Variants in HAO1 observed in about 807,000 individuals in gnomAD.
The protein encoded by HAO1 is 2-Hydroxyacid oxidase 1.
In HAO1, 34 loss-of-function variants were observed where a neutral mutation model predicts 39.7. That is an observed-to-expected ratio of 0.86 (90% CI 0.65 to 1.14). HAO1 has a LOEUF of 1.14. HAO1 is among the 50% of genes most tolerant of loss of function. HAO1 has a pLI of 0.00. For synonymous variants in HAO1, 172 were observed against 173.2 expected, an observed-to-expected ratio of 0.99 and a Z score of 0.05; for missense variants, 479 against 464.5, an observed-to-expected ratio of 1.03 and a Z score of -0.29.
At chr20:7,931,356 A>T (rs2050384796) in intron 2 of HAO1, among the ~76,000 whole-genome samples, 1 of 152,146 alleles carries the variant, frequency 6.6e-6, no homozygotes, top group South Asian at 2.1e-4. Flanking sequence ...GCTTCTCCTC[A>T]TGACACTTCA....
At chr20:7,918,274 T>C (rs2050315971) in intron 2 of HAO1, among the ~76,000 whole-genome samples, 2 of 152,210 alleles carry the variant, frequency 1.3e-5, no homozygotes, top group Admixed American at 6.5e-5. Flanking sequence ...AAATTATTGA[T>C]GAATTACATT....
chr20:7,915,854 C>T (rs2050304508), intron 2 of HAO1, among the ~76,000 whole-genome samples: 1 of 152,110 alleles, frequency 6.6e-6, no homozygotes, highest in African/African-American at 2.4e-5. Context: ...TCTAAACAAA[C>T]TACATGCTAA....
At chr20:7,889,699 G>C (rs1179716787) in intron 5 of HAO1, among the ~76,000 whole-genome samples, 1 of 152,114 alleles carries the variant, frequency 6.6e-6, no homozygotes, top group Non-Finnish European at 1.5e-5. Context: ...TTAGCCTGGT[G>C]CAAAAGTAAT....
At chr20:7,934,771 A>G in intron 1 of HAO1, 136 bp from the exon 2 acceptor site, 1 of 551,174 alleles carries the variant, frequency 1.8e-6, no homozygotes, top group South Asian at 2.8e-5. Context: ...TCATAAAGCT[A>G]ATGGAAAAGA....
At chr20:7,893,443 A>C (rs1476508195) in intron 5 of HAO1, among the ~76,000 whole-genome samples, 1 of 152,218 alleles carries the variant, frequency 6.6e-6, no homozygotes, top group Non-Finnish European at 1.5e-5. Flanking sequence ...ACAAGATTAG[A>C]AATTATGGTT....
intron 1 of HAO1, among the ~76,000 whole-genome samples, chr20:7,935,832 G>GA (rs1363667519): frequency 6.6e-6 from 1 of 152,054 alleles, no homozygotes; most frequent in African/African-American, 2.4e-5. Flanking sequence ...TAAAATTGAA[G>GA]AAAATACAGC....
At chr20:7,933,764 T>C (rs1344382133) in intron 2 of HAO1, among the ~76,000 whole-genome samples, 1 of 152,144 alleles carries the variant, frequency 6.6e-6, no homozygotes, top group Non-Finnish European at 1.5e-5. Context: ...TTTGGGGAGA[T>C]TTTTTACTCT....
At chr20:7,917,790 G>A (rs951345457) in intron 2 of HAO1, among the ~76,000 whole-genome samples, 6 of 152,182 alleles carry the variant, frequency 3.9e-5, no homozygotes, top group Admixed American at 1.3e-4. Context: ...TTGAACTCAT[G>A]AGAAATATCT....
At position 7,915,555 on chromosome 20, in the gene HAO1, A is replaced by T. The variant is rs147508103; in HGVS notation, c.290-1136T>A. On this transcript the variant is annotated intron_variant, in intron 2 of 7. Coordinates refer to ENST00000378789, the MANE Select transcript of HAO1 (RefSeq NM_017545.3). ...ACAAACACATGAGCCAATTCCTAAA[A>T]ATGTCTATCTATGGATAGGTGTTTT... Among the ~76,000 whole-genome samples the T allele has an allele frequency of 2.5e-3, 375 of 152,302 alleles. 3 individuals are homozygous for T. Among genetic ancestry groups the T allele is most frequent in the African/African-American group, 8.3e-3 (343 of 41,568 alleles).
intron 2 of HAO1, among the ~76,000 whole-genome samples, chr20:7,921,643 A>C (rs2050333464): frequency 6.6e-6 from 1 of 152,122 alleles, no homozygotes; most frequent in Admixed American, 6.6e-5. Flanking sequence ...TACCAAAGAG[A>C]CACGTGCACC....
chr20:7,932,015 A>G (rs76957509), intron 2 of HAO1, among the ~76,000 whole-genome samples: 7,296 of 152,276 alleles, frequency 0.048, 203 homozygotes, highest in Non-Finnish European at 0.065. Flanking sequence ...GTGTTGAGGG[A>G]AAGACCTAGT....
intron 4 of HAO1, among the ~76,000 whole-genome samples, chr20:7,899,762 G>A (rs2050213326): frequency 6.6e-6 from 1 of 152,054 alleles, no homozygotes. Flanking sequence ...AAGCAATTTT[G>A]CCTTAATGAA....
At chr20:7,918,539 G>A (rs1306484360) in intron 2 of HAO1, among the ~76,000 whole-genome samples, 1 of 152,094 alleles carries the variant, frequency 6.6e-6, no homozygotes, top group African/African-American at 2.4e-5. Flanking sequence ...GCTTCAATAT[G>A]TCATCACTTC....
chr20:7,931,998 A>G (rs1029132945), intron 2 of HAO1, among the ~76,000 whole-genome samples: 5 of 152,210 alleles, frequency 3.3e-5, no homozygotes, highest in Non-Finnish European at 7.3e-5. Context: ...TTGAATTATA[A>G]TCCCAGGTGT....
intron 4 of HAO1, among the ~76,000 whole-genome samples, chr20:7,895,798 A>T (rs567201097): frequency 6.6e-6 from 1 of 152,222 alleles, no homozygotes; most frequent in Non-Finnish European, 1.5e-5. Flanking sequence ...CTGTAATCAC[A>T]GCACTTTGGG....
At chr20:7,939,294 G>A (rs1044787124) in intron 1 of HAO1, among the ~76,000 whole-genome samples, 3 of 152,166 alleles carry the variant, frequency 2.0e-5, no homozygotes, top group Non-Finnish European at 4.4e-5. Context: ...GCCATTTTCA[G>A]TCTTCTACAT....
At chr20:7,886,770 C>CCTTAG (rs2050153102) in intron 5 of HAO1, among the ~76,000 whole-genome samples, 1 of 152,194 alleles carries the variant, frequency 6.6e-6, no homozygotes, top group African/African-American at 2.4e-5. Context: ...CTTGCCTGCA[C>CCTTAG]CTTAGCCTTG....
intron 3 of HAO1, among the ~76,000 whole-genome samples, chr20:7,907,779 A>G (rs1344045640): frequency 6.6e-6 from 1 of 152,072 alleles, no homozygotes; most frequent in African/African-American, 2.4e-5. Context: ...TCTAGGGGCA[A>G]TGTCTTTTCA....
chr20:7,896,973 T>TGCC, intron 4 of HAO1, among the ~76,000 whole-genome samples: 1 of 152,166 alleles, frequency 6.6e-6, no homozygotes, highest in African/African-American at 2.4e-5. Context: ...TCATTTGGTT[T>TGCC]ATATTCTCAT....
Sources: gnomAD v4.1 joint callset for allele counts (sites outside exome capture counted in the v4.1 genomes callset) on GRCh38, gnomAD v4.1.1 for gene constraint, MANE v1.5 for transcripts, NCBI Gene and HGNC (gene_info 2026-07-23, HGNC 2026-07-21) for gene names.